The following SUMF1 variants were observed in gnomAD, a reference collection of about 807,000 sequenced individuals.
SUMF1 encodes the protein sulfatase modifying factor 1, also known as formylglycine-generating enzyme.
In SUMF1, 48 loss-of-function variants were observed where a neutral mutation model predicts 47.6. That is an observed-to-expected ratio of 1.01 (90% confidence interval 0.80 to 1.28). SUMF1 has a LOEUF of 1.28. Among genes scored for constraint, SUMF1 ranks in the 50% most tolerant of loss-of-function variants. SUMF1 has a pLI of 0.00. For synonymous variants in SUMF1, 230 were observed against 192.1 expected (o/e 1.20, Z -1.63); for missense variants, 571 against 485.4 (o/e 1.18, Z -1.66).
intron 8 of SUMF1, among the ~76,000 whole-genome samples, chr3:4,262,430 GCAA>G (rs980923895): frequency 8.5e-5 from 13 of 152,052 alleles, no homozygotes; most frequent in African/African-American, 1.2e-4. Context: ...AGTGGTCAAA[GCAA>G]CAACAACAAA....
intron 8 of SUMF1, among the ~76,000 whole-genome samples, chr3:4,111,151 G>C (rs974992873): frequency 1.3e-5 from 2 of 151,024 alleles, no homozygotes; most frequent in Admixed American, 6.6e-5. Context: ...ACCCCTACAT[G>C]TAACAAAATT....
chr3:4,316,583 G>C, intron 8 of SUMF1: 1 of 1,551,818 alleles, frequency 6.4e-7, no homozygotes, highest in South Asian at 1.2e-5. Context: ...CTCATGAGCT[G>C]ACTGAAAATC....
intron 8 of SUMF1, among the ~76,000 whole-genome samples, chr3:4,232,423 T>C (rs962298233): frequency 2.0e-5 from 3 of 152,226 alleles, no homozygotes; most frequent in Non-Finnish European, 4.4e-5. Flanking sequence ...CCAGGGTTCA[T>C]CACGTCAGTC....
intron 8 of SUMF1, among the ~76,000 whole-genome samples, chr3:4,163,192 G>A (rs1382282172): frequency 6.6e-6 from 1 of 151,634 alleles, no homozygotes; most frequent in Non-Finnish European, 1.5e-5. Context: ...TAGACTGCTA[G>A]GGTTTCCGGG....
chr3:4,324,960 GC>G (rs1224691000), intron 8 of SUMF1, among the ~76,000 whole-genome samples: 1 of 152,054 alleles, frequency 6.6e-6, no homozygotes, highest in East Asian at 1.9e-4. Context: ...GGCTGGGAAG[GC>G]TTCACAATCA....
At chr3:4,230,339 A>AT (rs1248792104) in intron 8 of SUMF1, among the ~76,000 whole-genome samples, 1 of 152,158 alleles carries the variant, frequency 6.6e-6, no homozygotes, top group Non-Finnish European at 1.5e-5. Flanking sequence ...GCCCACAATC[A>AT]TAAGTGCCAA....
intron 8 of SUMF1, among the ~76,000 whole-genome samples, chr3:4,158,681 T>A (rs1190939863): frequency 6.6e-6 from 1 of 151,608 alleles, no homozygotes; most frequent in Non-Finnish European, 1.5e-5. Flanking sequence ...TGCATATATA[T>A]TTACAATTGT....
chr3:4,160,473 C>G (rs1315543352), intron 8 of SUMF1, among the ~76,000 whole-genome samples: 5 of 152,052 alleles, frequency 3.3e-5, no homozygotes, highest in African/African-American at 4.8e-5. Context: ...CTCCTGACCT[C>G]AAGTGATCTG....
rs35572332 is a variant in SUMF1, at chr3:4,139,769, T to TA, written c.1015-71025dup. On this transcript the variant is annotated intron_variant and NMD_transcript_variant, in intron 8 of 12. Coordinates refer to the SUMF1 transcript ENST00000448413. ...TCTAGAGAGAAGTTAGGCTGACAAG[T>TA]AAAAAAAAAATCCCCCCTTTACACT... 9.1e-3 allele frequency among the ~76,000 whole-genome samples: 1,348 copies of TA among 148,446 alleles called. 36 individuals are homozygous for TA. Among genetic ancestry groups the TA allele is most frequent in the Admixed American group, 0.053 (784 of 14,872 alleles).
chr3:4,434,737 A>G (rs1256956251), intron 3 of SUMF1, among the ~76,000 whole-genome samples: 1 of 152,206 alleles, frequency 6.6e-6, no homozygotes, highest in African/African-American at 2.4e-5. Flanking sequence ...ATGAATGAAC[A>G]GAGTTGCAGA....
intron 8 of SUMF1, among the ~76,000 whole-genome samples, chr3:4,213,186 A>G (rs1297467689): frequency 2.6e-5 from 4 of 152,282 alleles, no homozygotes; most frequent in South Asian, 2.1e-4. Flanking sequence ...CACACAAAGG[A>G]GAGCCCATCA....
At chr3:4,403,993 C>A (rs952117818) in intron 7 of SUMF1, among the ~76,000 whole-genome samples, 1 of 152,138 alleles carries the variant, frequency 6.6e-6, no homozygotes, top group Non-Finnish European at 1.5e-5. Flanking sequence ...TGGAAACAAA[C>A]GGTATTTCTA....
intron 8 of SUMF1, among the ~76,000 whole-genome samples, chr3:4,261,786 C>G (rs140070329): frequency 1.3e-5 from 2 of 152,302 alleles, no homozygotes; most frequent in Non-Finnish European, 2.9e-5. Context: ...GTGCCACGTA[C>G]AGATTTCTCC....
intron 9 of SUMF1, among the ~76,000 whole-genome samples, chr3:4,039,586 T>G (rs1574839555): frequency 1.4e-5 from 2 of 147,354 alleles, no homozygotes; most frequent in Non-Finnish European, 2.9e-5. Context: ...TATTCCATGG[T>G]GTATATGTGC....
chr3:4,368,551 G>A (rs1234302382), intron 8 of SUMF1, among the ~76,000 whole-genome samples: 2 of 151,942 alleles, frequency 1.3e-5, no homozygotes, highest in South Asian at 2.1e-4. Flanking sequence ...TGTTTATTGC[G>A]GCACTACTCA....
intron 8 of SUMF1, among the ~76,000 whole-genome samples, chr3:4,198,152 C>T (rs1695469350): frequency 6.6e-6 from 1 of 151,182 alleles, no homozygotes; most frequent in Non-Finnish European, 1.5e-5. Context: ...ATGTTTCTCT[C>T]CTATTCCTTA....
chr3:4,054,348 A>T (rs961123601), intron 9 of SUMF1, among the ~76,000 whole-genome samples: 1 of 152,178 alleles, frequency 6.6e-6, no homozygotes, highest in Non-Finnish European at 1.5e-5. Context: ...TGTCAGCACT[A>T]GGTCTAGAAA....
intron 1 of SUMF1, among the ~76,000 whole-genome samples, chr3:4,457,194 A>C (rs777365995): frequency 4.0e-5 from 6 of 151,344 alleles, no homozygotes; most frequent in Non-Finnish European, 7.4e-5. Flanking sequence ...CACCCACCTC[A>C]GCCTCCCAAA....
chr3:4,250,403 C>T (rs892345552), intron 8 of SUMF1, among the ~76,000 whole-genome samples: 1 of 152,022 alleles, frequency 6.6e-6, no homozygotes, highest in African/African-American at 2.4e-5. Flanking sequence ...TGAGAAAAGC[C>T]ATTTCCTGAA....
Sources: allele counts gnomAD v4.1 joint callset (sites outside exome capture counted in the v4.1 genomes callset), GRCh38; gene constraint gnomAD v4.1.1; transcripts MANE v1.5; gene names NCBI Gene and HGNC (gene_info 2026-07-23, HGNC 2026-07-21).